Variants in CCDC9 observed in about 807,000 individuals in gnomAD.
CCDC9 encodes the protein coiled-coil domain-containing protein 9.
Under a neutral mutation model 65.6 loss-of-function variants are expected in CCDC9, and 52 were observed. That is an observed-to-expected ratio of 0.79 (90% CI 0.63 to 1.00). The LOEUF (loss-of-function observed/expected upper bound fraction) is 1.00. CCDC9 is among the 50% of genes least tolerant of loss of function. The pLI is 0.00. For synonymous variants in CCDC9, 332 were observed against 280.3 expected (o/e 1.18, Z -1.84); for missense variants, 834 against 757.2 (o/e 1.10, Z -1.19).
Position 47,270,690 on chromosome 19 carries a change from T to C in CCDC9, c.1085+2T>C. On this transcript the variant is annotated splice_donor_variant, in intron 10 of 11. Transcript: ENST00000221922. LOFTEE classifies it high-confidence loss of function. ...CAAGGCAGCGCCCAGGGCCTACAGG[T>C]GGGGCACCCCTTCTGCGGGCTTGCA... is the stretch of plus-strand genomic sequence containing the variant. 1 of 1,609,482 alleles carries C rather than the reference T, an allele frequency of 6.2e-7. No individual in the cohort carries two copies. Among genetic ancestry groups the C allele is most frequent in the Non-Finnish European group, 8.5e-7 (1 of 1,179,234 alleles).
intron 7 of CCDC9, among the ~76,000 whole-genome samples, chr19:47,265,984 CTTTTTTTTTT>C (rs1158302196): frequency 1.4e-5 from 1 of 72,626 alleles, no homozygotes; most frequent in East Asian, 4.3e-4. Flanking sequence ...CCGCTCCTGG[CTTTTTTTTTT>C]TTTTTTTTTT....
chr19:47,274,419 CG>C (rs2059143283), downstream of CCDC9: 1 of 151,298 alleles, frequency 6.6e-6, no homozygotes, highest in Admixed American at 6.6e-5. Context: ...GGGAGGAGAG[CG>C]GGGATTCCGG....
At chr19:47,266,301 GAGTTTGGAGGCAGA>G in intron 7 of CCDC9, 2 of 324,388 alleles carry the variant, frequency 6.2e-6, no homozygotes, top group Non-Finnish European at 1.1e-5. Context: ...GGCGGGAGAA[GAGTTTGGAGGCAGA>G]GCCCCTGCCT....
Position 47,271,621 on chromosome 19 carries a change from C to A in CCDC9, c.1539C>A (p.Thr513=). Residue 513 remains threonine (T), a synonymous_variant, in exon 12 of 12, where the codon ACC becomes ACA. Transcript: ENST00000221922. The part of the protein sequence containing the change: ...GEEVELNSPR[T]THLAGALSPG... The stretch of plus-strand genomic sequence containing the variant: ...AGGTGGAGCTGAATTCTCCCCGGAC[C>A]ACTCACCTGGCTGGCGCCCTCTCCC... 1 of 1,610,316 alleles carries A rather than the reference C, an allele frequency of 6.2e-7. No individual in the cohort carries two copies. The highest frequency in any genetic ancestry group is 8.5e-7 in the Non-Finnish European group (1 of 1,178,126).
Position 47,260,630 on chromosome 19 carries a change from C to T in CCDC9, c.253C>T (p.Arg85Trp), listed in dbSNP as rs375104786. ...GPSRRSPGTP[R>W]PPGASKGGRT... ...TTCCCGGAGGTCTCCTGGGACCCCT[C>T]GGCCCCCAGGGGCCAGCAAGGGGGG... The change falls in exon 5 of 12, where the codon CGG (arginine) becomes TGG (tryptophan). Residue 85 changes from arginine (R) to tryptophan (W), a missense_variant. Transcript: ENST00000221922. The T allele has an allele frequency of 2.0e-4, 301 of 1,523,494 alleles. No homozygotes were observed. The highest frequency in any genetic ancestry group is 2.4e-4 in the Non-Finnish European group (279 of 1,145,080). The allele number at this position is 1,523,494 out of a possible 1,614,324, so 94.4% of individuals were successfully genotyped here. A position where few individuals can be genotyped will look rare whatever the true frequency, so the allele number is the denominator to read the frequency against.
Position 47,271,748 on chromosome 19 carries a change from C to CGT in CCDC9, c.*71_*72insTG. 1.9e-6 allele frequency: 2 copies of CGT among 1,062,088 alleles called. No homozygotes were observed. The highest frequency in any genetic ancestry group is 1.2e-6 in the Non-Finnish European group (1 of 822,164). The allele number at this position is 1,062,088 out of a possible 1,614,324, so 65.8% of individuals were successfully genotyped here. ...GTGTGTGTGTGCGCGCGCGCGCGCG[C>CGT]GCGCGCGCGCGCTAGAGGGGTGTGG... On this transcript the variant is annotated 3_prime_UTR_variant, in exon 12 of 12. Transcript: ENST00000221922.
In CCDC9 at chr19:47,264,950, G is replaced by A. The variant is rs1395567992; in HGVS notation, c.720+4G>A. 1 of 1,440,924 alleles carries A rather than the reference G, an allele frequency of 6.9e-7. No individual in the cohort carries two copies. 89.3% of individuals were successfully genotyped at this position (1,440,924 alleles called of 1,614,324 possible). A position where few individuals can be genotyped will look rare whatever the true frequency, so the allele number is the denominator to read the frequency against. ...TGGCCTTGAGCACGAGCGGCAGGTG[G>A]GTGTTGGCAGTGAGGACACCTCGGG... On this transcript the variant is annotated splice_donor_region_variant and intron_variant, in intron 7 of 11. Transcript: ENST00000221922.
intron 1 of CCDC9, among the ~76,000 whole-genome samples, chr19:47,257,318 A>G (rs1025413325): frequency 1.1e-4 from 16 of 148,792 alleles, no homozygotes; most frequent in Middle Eastern, 7.2e-3. Flanking sequence ...AATAATAATA[A>G]GAGATGGTAG....
intron 3 of CCDC9, among the ~76,000 whole-genome samples, chr19:47,259,586 C>T (rs1043938297): frequency 6.6e-6 from 1 of 152,090 alleles, no homozygotes; most frequent in Non-Finnish European, 1.5e-5. Flanking sequence ...TGATGTGGCT[C>T]TCCCTGAGAT....
chr19:47,266,640 A>G lies in CCDC9; in HGVS notation c.750A>G (p.Gly250=). 6.3e-7 allele frequency: 1 copy of G among 1,581,928 alleles called. No homozygotes were observed. Among genetic ancestry groups the G allele is most frequent in the Non-Finnish European group, 8.6e-7 (1 of 1,163,830 alleles). The part of the protein sequence containing the change: ...QGRRAGLGSA[G]DMTLSMTGRE... Reference sequence around the variant, plus strand: ...GCCGAGCTGGCCTGGGCAGTGCTGGAGACATGACGTTGTCCATGACGGGCC... The same window carrying G: ...GCCGAGCTGGCCTGGGCAGTGCTGGGGACATGACGTTGTCCATGACGGGCC... Residue 250 remains glycine (G), a synonymous_variant, in exon 8 of 12, where the codon GGA becomes GGG. Coordinates refer to ENST00000221922, the MANE Select transcript of CCDC9 (RefSeq NM_015603.3).
rs2059117684 is a variant in CCDC9, at chr19:47,271,523, C to G, written c.1441C>G (p.Gln481Glu). ...TCCGGAGGAGCCCCTGCTGGAGCCC[C>G]AGGCCCCTGGCACGCCTTCCAGCCC... ...FSPEEPLLEP[Q>E]APGTPSSPFS... is the part of the protein sequence containing the mutation. Residue 481 changes from glutamine to glutamate, a missense_variant, in exon 12 of 12, where the codon CAG becomes GAG. Physicochemically the swap from Gln to Glu is conservative, Grantham distance 29 (BLOSUM62 2). Coordinates refer to ENST00000221922, the MANE Select transcript of CCDC9 (RefSeq NM_015603.3). The G allele has an allele frequency of 1.2e-6, 2 of 1,612,968 alleles. No homozygotes were observed. The highest frequency in any genetic ancestry group is 2.2e-5 in the East Asian group (1 of 44,866).
intron 1 of CCDC9, 99 bp from the exon 2 acceptor site, chr19:47,258,231 G>A: frequency 1.5e-6 from 1 of 671,042 alleles, no homozygotes; most frequent in East Asian, 2.6e-5. Context: ...TGGGGTACAG[G>A]GTTTTTTGTG....
intron 7 of CCDC9, 134 bp downstream of exon 7, chr19:47,265,080 C>T (rs1216578874): frequency 1.5e-4 from 103 of 678,064 alleles, no homozygotes; most frequent in Non-Finnish European, 2.0e-4. Context: ...TTTTTTGAGA[C>T]GGATTCTCGC....
At chr19:47,275,542 C>T (rs1320829700), downstream of CCDC9, 6 of 708,668 alleles carry the variant, frequency 8.5e-6, no homozygotes, top group South Asian at 2.1e-5. Flanking sequence ...ACTCTGTGGT[C>T]AGGCCGGGTC....
chr19:47,260,129 G>C (rs1460377849), intron 3 of CCDC9, among the ~76,000 whole-genome samples, 192 bp from the exon 4 acceptor site: 3 of 152,190 alleles, frequency 2.0e-5, no homozygotes, highest in Non-Finnish European at 4.4e-5. Flanking sequence ...CTGTTACTCA[G>C]AGGGGCACCA....
rs749608586 is a variant in CCDC9 at position 47,271,320 on chromosome 19, G to A, written c.1238G>A (p.Gly413Glu). The A allele has an allele frequency of 1.9e-6, 3 of 1,612,132 alleles. No homozygotes were observed. Among genetic ancestry groups the A allele is most frequent in the Non-Finnish European group, 2.5e-6 (3 of 1,179,184 alleles). The change falls in exon 12 of 12, where the codon GGG becomes GAG. Residue 413 changes from glycine (G) to glutamate (E), a missense_variant. Physicochemically the swap from Gly to Glu is moderately conservative, Grantham distance 98. Coordinates refer to ENST00000221922, the MANE Select transcript of CCDC9 (RefSeq NM_015603.3). ...GCCCACCGGCCTCCTGAAGACGAGGGGGAAGAGAATGAGGGGGAAGAGGAT... is the reference window on the plus strand; with the variant it reads ...GCCCACCGGCCTCCTGAAGACGAGGAGGAAGAGAATGAGGGGGAAGAGGAT... ...APAHRPPEDE[G>E]EENEGEEDEE...
chr19:47,261,550 G>A (rs1301653674), intron 5 of CCDC9, among the ~76,000 whole-genome samples: 5 of 151,716 alleles, frequency 3.3e-5, no homozygotes, highest in Non-Finnish European at 2.9e-5. Context: ...ACGGGAATAA[G>A]AAAATTCAAA....
rs753277326 is a variant in CCDC9, at chr19:47,271,640, C to G, written c.1558C>G (p.Leu520Val). 2.5e-6 allele frequency: 4 copies of G among 1,606,422 alleles called. No homozygotes were observed. Among genetic ancestry groups the G allele is most frequent in the Admixed American group, 1.7e-5 (1 of 59,886 alleles). Residue 520 changes from leucine to valine, a missense_variant, in exon 12 of 12, where the codon CTC becomes GTC. Leu to Val is a conservative substitution (Grantham distance 32). Transcript: ENST00000221922. ...CCGGACCACTCACCTGGCTGGCGCC[C>G]TCTCCCCGGGTGAGGCCTGGCCTTT... The part of the protein sequence containing the change: ...SPRTTHLAGA[L>V]SPGEAWPFES...
chr19:47,258,377 C>A lies in CCDC9; in HGVS notation c.-24C>A, dbSNP rs768865729. The A allele has an allele frequency of 6.2e-7, 1 of 1,613,604 alleles. No individual in the cohort carries two copies. The highest frequency in any genetic ancestry group is 1.3e-5 in the African/African-American group (1 of 74,844). The stretch of plus-strand genomic sequence containing the variant: ...ATTCTGCAGGGGAGGTTTGCTGGGA[C>A]CTTGGCTCCACGCAGCCAGCGAAAT... On this transcript the variant is annotated 5_prime_UTR_variant, in exon 2 of 12. Coordinates refer to ENST00000221922, the MANE Select transcript of CCDC9 (RefSeq NM_015603.3).
Sources: gnomAD v4.1 joint callset for allele counts (sites outside exome capture counted in the v4.1 genomes callset) on GRCh38, gnomAD v4.1.1 for gene constraint, MANE v1.5 for transcripts, NCBI Gene and HGNC (gene_info 2026-07-23, HGNC 2026-07-21) for gene names.